Variants in AGMO observed in about 807,000 individuals in gnomAD.
The protein encoded by AGMO is alkylglycerol monooxygenase.
A neutral mutation model predicts 60.2 loss-of-function variants in AGMO; 75 were observed. That is an observed-to-expected ratio of 1.25 (90% CI 1.03 to 1.51). The LOEUF is 1.51. Ranked by LOEUF, AGMO falls within the 40% of genes most tolerant of loss-of-function variation. The probability of loss-of-function intolerance (pLI) is 0.00; values close to 1 mark genes in which losing one functional copy is unlikely to be tolerated. For synonymous variants in AGMO, 261 were observed against 177.1 expected, an observed-to-expected ratio of 1.47 and a Z score of -3.76; for missense variants, 763 against 525.5, an observed-to-expected ratio of 1.45 and a Z score of -4.42.
At position 15,200,609 on chromosome 7, in the gene AGMO, T is replaced by G. The variant is rs546366754; in HGVS notation, c.*676A>C. 6.5e-5 allele frequency: 10 copies of G among 152,976 alleles called. No individual in the cohort carries two copies. In the East Asian group the frequency reaches 1.9e-3, roughly 29 times the overall value. 9.5% of individuals were successfully genotyped at this position (152,976 alleles called of 1,614,324 possible). On this transcript the variant is annotated 3_prime_UTR_variant, in exon 13 of 13. Transcript: ENST00000342526. ...CCCAGGTTCAAGCGATTCTCCTGCC[T>G]CAGCCTCCAGAGTAGCTGGGACTAC...
chr7:15,158,097 T>G, the AGMO span, among the ~76,000 whole-genome samples: 3 of 152,194 alleles, frequency 2.0e-5, no homozygotes, highest in African/African-American at 7.2e-5. Flanking sequence ...CAAATATAAT[T>G]GAGGATGGAT....
chr7:15,372,312 A>G (rs563123717), intron 10 of AGMO, among the ~76,000 whole-genome samples: 87 of 152,172 alleles, frequency 5.7e-4, no homozygotes, highest in African/African-American at 2.0e-3. Context: ...TTAGCCAGGC[A>G]TGGTGGCACA....
intron 3 of AGMO, among the ~76,000 whole-genome samples, chr7:15,496,017 G>A (rs79951980): frequency 0.018 from 2,765 of 152,142 alleles, 71 homozygotes; most frequent in African/African-American, 0.062. Flanking sequence ...GCTTCCACAC[G>A]TGAATTTTGG....
chr7:15,374,982 G>A (rs960936470), intron 10 of AGMO, among the ~76,000 whole-genome samples: 2 of 152,008 alleles, frequency 1.3e-5, no homozygotes, highest in East Asian at 1.9e-4. Context: ...CAGTATGTGT[G>A]TAATGCATAC....
chr7:15,243,314 T>C (rs1280880326), intron 12 of AGMO, among the ~76,000 whole-genome samples: 1 of 152,144 alleles, frequency 6.6e-6, no homozygotes, highest in Non-Finnish European at 1.5e-5. Context: ...CTCTAGACTA[T>C]TCTGTATCTG....
At chr7:15,475,752 CTTAT>C (rs1170568219) in intron 3 of AGMO, among the ~76,000 whole-genome samples, 1 of 151,802 alleles carries the variant, frequency 6.6e-6, no homozygotes, top group Admixed American at 6.6e-5. Flanking sequence ...GCTTTTTCAA[CTTAT>C]TTAGATTTTT....
chr7:15,206,069 A>G (rs1352029157), intron 12 of AGMO, among the ~76,000 whole-genome samples: 3 of 152,048 alleles, frequency 2.0e-5, no homozygotes, highest in African/African-American at 4.8e-5. Flanking sequence ...TGAGATGACC[A>G]TTGTCAGCTG....
rs1369330744 is a variant in AGMO, at chr7:15,561,720, C to G, written c.126G>C (p.Lys42Asn). ...TLEEVPDYVK[K>N]ATPFFISLML... ...GTAGCCTCTTCCAATAAAGTCTCAC[C>G]TTTTTTACATAATCAGGCACCTCTT... is the stretch of plus-strand genomic sequence containing the variant. The change falls in exon 1 of 13, where the codon AAG (lysine) becomes AAC (asparagine). Residue 42 changes from lysine (K) to asparagine (N), a missense_variant and splice_region_variant. Lys to Asn is a moderately conservative substitution (Grantham distance 94). Transcript: ENST00000342526. The G allele has an allele frequency of 6.2e-7, 1 of 1,600,584 alleles. No individual in the cohort carries two copies. The highest frequency in any genetic ancestry group is 1.1e-5 in the South Asian group (1 of 89,252).
chr7:15,468,477 T>G (rs905531579), intron 3 of AGMO, among the ~76,000 whole-genome samples: 2 of 152,022 alleles, frequency 1.3e-5, no homozygotes, highest in Admixed American at 1.3e-4. Context: ...GTATAACACA[T>G]AGCTGTACAT....
the AGMO span, among the ~76,000 whole-genome samples, chr7:15,126,317 AG>A: frequency 6.6e-6 from 1 of 152,154 alleles, no homozygotes; most frequent in Admixed American, 6.6e-5. Flanking sequence ...TACACTGTGA[AG>A]TTAAAAAATA....
chr7:15,367,615 C>G (rs1331599884), intron 10 of AGMO, among the ~76,000 whole-genome samples: 1 of 152,046 alleles, frequency 6.6e-6, no homozygotes, highest in Non-Finnish European at 1.5e-5. Flanking sequence ...TTTAAAGGAG[C>G]TAATGGCAGA....
At chr7:15,468,312 T>C (rs987642940) in intron 3 of AGMO, among the ~76,000 whole-genome samples, 2 of 152,148 alleles carry the variant, frequency 1.3e-5, no homozygotes, top group African/African-American at 4.8e-5. Context: ...GGTACCAAGA[T>C]TACTATACCA....
the AGMO span, among the ~76,000 whole-genome samples, chr7:15,160,513 T>C: frequency 1.3e-5 from 2 of 152,174 alleles, no homozygotes; most frequent in South Asian, 2.1e-4. Context: ...CATCTTTTTT[T>C]TTCCATTCAT....
chr7:15,432,379 T>TAC (rs1554271605), intron 3 of AGMO, among the ~76,000 whole-genome samples: 22 of 136,192 alleles, frequency 1.6e-4, no homozygotes, highest in Admixed American at 2.9e-4. Context: ...CATATATATA[T>TAC]ACACTATCTG....
chr7:15,319,449 T>C (rs1036360444), intron 12 of AGMO, among the ~76,000 whole-genome samples: 7 of 152,144 alleles, frequency 4.6e-5, no homozygotes. Flanking sequence ...AGATGTACCC[T>C]AGGATAAGGA....
intron 4 of AGMO, among the ~76,000 whole-genome samples, chr7:15,427,491 C>A (rs745568618): frequency 6.6e-6 from 1 of 152,008 alleles, no homozygotes; most frequent in Non-Finnish European, 1.5e-5. Flanking sequence ...ATGTTTAATC[C>A]CTAATGTTCT....
chr7:15,436,283 G>A (rs1325580983), intron 3 of AGMO, among the ~76,000 whole-genome samples: 3 of 151,018 alleles, frequency 2.0e-5, no homozygotes, highest in African/African-American at 7.3e-5. Flanking sequence ...ATTTTTCACA[G>A]TCCCTGTGCA....
At chr7:15,243,756 C>G (rs1191032741) in intron 12 of AGMO, among the ~76,000 whole-genome samples, 1 of 152,014 alleles carries the variant, frequency 6.6e-6, no homozygotes, top group East Asian at 1.9e-4. Flanking sequence ...TGTATTTTTT[C>G]AAAGCACGAA....
intron 3 of AGMO, among the ~76,000 whole-genome samples, chr7:15,451,682 A>T (rs1413132049): frequency 6.6e-6 from 1 of 152,190 alleles, no homozygotes; most frequent in African/African-American, 2.4e-5. Context: ...TATAAGAGTG[A>T]TAAAAGAAAA....
Sources: allele counts gnomAD v4.1 joint callset (sites outside exome capture counted in the v4.1 genomes callset), GRCh38; gene constraint gnomAD v4.1.1; transcripts MANE v1.5; gene names NCBI Gene and HGNC (gene_info 2026-07-23, HGNC 2026-07-21).